The following KCNT1 variants were observed in gnomAD, a reference collection of about 807,000 sequenced individuals.
The protein encoded by KCNT1 is potassium sodium-activated channel subfamily T member 1, also known as potassium channel subfamily T member 1.
In KCNT1, 78 loss-of-function variants were observed where a neutral mutation model predicts 147.8. That is an observed-to-expected ratio of 0.53 (90% confidence interval 0.44 to 0.64). KCNT1 has a LOEUF of 0.64. Among genes scored for constraint, KCNT1 ranks in the 30% least tolerant of loss-of-function variants. The pLI, the probability that KCNT1 is intolerant of heterozygous loss-of-function variation, is 0.00. For synonymous variants in KCNT1, 867 were observed against 748.8 expected (o/e 1.16, Z -2.58); for missense variants, 1,419 against 1,750.3 (o/e 0.81, Z 3.38).
At chr9:135,782,493 C>G (rs1833686471) in intron 24 of KCNT1, among the ~76,000 whole-genome samples, 2 of 152,230 alleles carry the variant, frequency 1.3e-5, no homozygotes, top group African/African-American at 4.8e-5. Context: ...CGGTGCCTGT[C>G]CTGCTCCCTC....
At position 135,759,863 on chromosome 9, in the gene KCNT1, G is replaced by A; in HGVS notation, c.1035+4G>A. 1 of 1,596,034 alleles carries A rather than the reference G, an allele frequency of 6.3e-7. No homozygotes were observed. The highest frequency in any genetic ancestry group is 1.7e-4 in the Middle Eastern group (1 of 5,962). ...CCTCGTGGTGCTCCCACTGCAGGTG[G>A]GTCCTCTGGGCACCAGCCCTGGGTG... On this transcript the variant is annotated splice_donor_region_variant and intron_variant, in intron 11 of 30. Transcript: ENST00000371757.
Position 135,765,650 on chromosome 9 carries a change from C to T in KCNT1, c.1227C>T (p.Pro409=). 1.2e-6 allele frequency: 2 copies of T among 1,611,004 alleles called. No individual in the cohort carries two copies. Among genetic ancestry groups the T allele is most frequent in the African/African-American group, 1.3e-5 (1 of 75,004 alleles). The change falls in exon 13 of 31, where the codon CCC becomes CCT. Residue 409 remains proline, a synonymous_variant. Coordinates refer to ENST00000371757, the MANE Select transcript of KCNT1 (RefSeq NM_020822.3). Reference sequence around the variant, plus strand: ...ACTATTACGTGGTCATCCTGTGCCCCACGGAGATGGATGTCCAGGTGCGCA... The same window carrying T: ...ACTATTACGTGGTCATCCTGTGCCCTACGGAGATGGATGTCCAGGTGCGCA... ...LQDYYVVILC[P]TEMDVQVRRV... is the part of the protein sequence containing the mutation.
Position 135,784,829 on chromosome 9 carries a change from C to T in KCNT1, c.3096C>T (p.Ser1032=), listed in dbSNP as rs1360446142. 7 of 1,612,856 alleles carry T rather than the reference C, an allele frequency of 4.3e-6. No individual in the cohort carries two copies. The highest frequency in any genetic ancestry group is 1.6e-4 in the Middle Eastern group (1 of 6,062). Reference sequence around the variant, plus strand: ...GCCTCTTCCAGAAGCTCTGCTCCTCCAGCGCCGAGATCCCCATTGGCATCT... The same window carrying T: ...GCCTCTTCCAGAAGCTCTGCTCCTCTAGCGCCGAGATCCCCATTGGCATCT... ...YGRLFQKLCS[S]SAEIPIGIYR... is the part of the protein sequence containing the mutation. Residue 1032 remains serine (S), a synonymous_variant, in exon 27 of 31, where the codon TCC becomes TCT. Transcript: ENST00000371757.
At chr9:135,760,610 G>GCTGACCCCAGGCTCAGCCCCAGCTCCCTC in intron 11 of KCNT1, among the ~76,000 whole-genome samples, 1 of 152,208 alleles carries the variant, frequency 6.6e-6, no homozygotes, top group Admixed American at 6.5e-5. Context: ...GGGAGCCTCT[G>GCTGACCCCAGGCTCAGCCCCAGCTCCCTC]CTGACCCCAG....
chr9:135,744,127 C>T (rs1830692853), intron 2 of KCNT1, among the ~76,000 whole-genome samples: 2 of 152,244 alleles, frequency 1.3e-5, no homozygotes, highest in Non-Finnish European at 2.9e-5. Context: ...TGGTGGGCCC[C>T]GAGGCGTGTG....
chr9:135,706,454 G>A (rs1467463074), intron 1 of KCNT1, among the ~76,000 whole-genome samples: 1 of 152,252 alleles, frequency 6.6e-6, no homozygotes, highest in Non-Finnish European at 1.5e-5. Flanking sequence ...GCCGGGGTGT[G>A]GTGTGTGCCA....
chr9:135,721,903 C>T lies in KCNT1; in HGVS notation c.254+7183C>T, dbSNP rs546193112. Among the ~76,000 whole-genome samples, 31 of 152,294 alleles carry T rather than the reference C, an allele frequency of 2.0e-4. 1 individual carries two copies. Among genetic ancestry groups the T allele is most frequent in the Admixed American group, 1.8e-3 (28 of 15,300 alleles). On this transcript the variant is annotated intron_variant, in intron 2 of 30. Transcript: ENST00000371757. ...CCTGAGTCAGGGTGGGGGAAGGTGA[C>T]GCCTCTGCTGTGGAGACTGTGGCTC...
intron 22 of KCNT1, 36 bp from the exon 23 acceptor site, chr9:135,778,652 G>A (rs571452156): frequency 4.4e-5 from 71 of 1,611,900 alleles, no homozygotes; most frequent in African/African-American, 6.7e-5. Context: ...GGAGTGGGCC[G>A]CATCCTCAGC....
At position 135,714,864 on chromosome 9, in the gene KCNT1, A is replaced by C; in HGVS notation, c.254+144A>C. 1.9e-6 allele frequency: 1 copy of C among 513,088 alleles called. No homozygotes were observed. Among genetic ancestry groups the C allele is most frequent in the East Asian group, 6.5e-5 (1 of 15,394 alleles). The allele number at this position is 513,088 out of a possible 1,614,324, so 31.8% of individuals were successfully genotyped here. A position where few individuals can be genotyped will look rare whatever the true frequency, so the allele number is the denominator to read the frequency against. ...AACTTTTCCCGGCTTCTGGGGACGC[A>C]GAAGTTTCGGAGGGGGTGCGGGCAG... is the stretch of plus-strand genomic sequence containing the variant. On this transcript the variant is annotated intron_variant, in intron 2 of 30. Coordinates refer to ENST00000371757, the MANE Select transcript of KCNT1 (RefSeq NM_020822.3). This position sits in a 1 kb window ranked among gnomAD's most constrained non-coding sequence, Gnocchi z 6.2.
At chr9:135,771,262 C>T (rs979108914) in intron 18 of KCNT1, 167 bp downstream of exon 18, 13 of 650,614 alleles carry the variant, frequency 2.0e-5, no homozygotes, top group Middle Eastern at 8.2e-4. Context: ...CCAGGTGGGA[C>T]GGGAGACCAG....
chr9:135,765,206 T>G lies in KCNT1; in HGVS notation c.1200+11T>G. The G allele has an allele frequency of 6.2e-7, 1 of 1,605,946 alleles. No individual in the cohort carries two copies. The highest frequency in any genetic ancestry group is 8.5e-7 in the Non-Finnish European group (1 of 1,173,958). On this transcript the variant is annotated intron_variant, in intron 12 of 30. Transcript: ENST00000371757. ...CACCCCCGGCTCCAGGTGAGGCCCC[T>G]TACCGTGGCCCAGCAGACGACTCCC...
At chr9:135,773,977 G>A (rs1371584063) in intron 19 of KCNT1, among the ~76,000 whole-genome samples, 5 of 152,308 alleles carry the variant, frequency 3.3e-5, no homozygotes, top group South Asian at 2.1e-4. Context: ...CTAGGCTGTG[G>A]TGGGAGGAGA....
chr9:135,727,715 C>T (rs1836277382), intron 2 of KCNT1, among the ~76,000 whole-genome samples: 1 of 152,240 alleles, frequency 6.6e-6, no homozygotes, highest in Non-Finnish European at 1.5e-5. Flanking sequence ...GGTACTGCTC[C>T]TCCAGCCCCC....
chr9:135,775,204 TGTGGGTG>T, intron 19 of KCNT1, 99 bp from the exon 20 acceptor site: 1 of 732,912 alleles, frequency 1.4e-6, no homozygotes, highest in Non-Finnish European at 2.2e-6. Context: ...GCAACGTGGC[TGTGGGTG>T]GAGTGGGTGC....
chr9:135,718,496 C>A (rs117971808), intron 2 of KCNT1, among the ~76,000 whole-genome samples: 8,900 of 152,298 alleles, frequency 0.058, 352 homozygotes, highest in Non-Finnish European at 0.086. Flanking sequence ...AGGCTCCACT[C>A]GGGCCCCTGA....
intron 1 of KCNT1, among the ~76,000 whole-genome samples, chr9:135,707,643 AG>A (rs1292714288): frequency 2.0e-5 from 3 of 152,094 alleles, no homozygotes; most frequent in Non-Finnish European, 4.4e-5. Context: ...TGCCTGCTGC[AG>A]GGGGTGGGGA....
At chr9:135,767,851 A>G (rs1273049481) in intron 13 of KCNT1, among the ~76,000 whole-genome samples, 1 of 151,992 alleles carries the variant, frequency 6.6e-6, no homozygotes, top group East Asian at 1.9e-4. Context: ...TGGGGGAGGA[A>G]GGGCAGGCAC....
chr9:135,766,940 C>T (rs1468432139), intron 13 of KCNT1, among the ~76,000 whole-genome samples: 1 of 152,112 alleles, frequency 6.6e-6, no homozygotes, highest in African/African-American at 2.4e-5. Flanking sequence ...GGTGGGAGAA[C>T]GGGCTGAAGG....
intron 29 of KCNT1, chr9:135,788,199 C>A (rs750936911): frequency 1.3e-6 from 2 of 1,564,642 alleles, no homozygotes; most frequent in South Asian, 2.2e-5. Flanking sequence ...CACCGCACAA[C>A]GGGGCTCGCC....
Sources: allele counts gnomAD v4.1 joint callset (sites outside exome capture counted in the v4.1 genomes callset), GRCh38; gene constraint gnomAD v4.1.1; non-coding constraint Gnocchi (gnomAD v3.1); transcripts MANE v1.5; gene names NCBI Gene and HGNC (gene_info 2026-07-23, HGNC 2026-07-21).